The following TMTC2 variants were observed in gnomAD, a reference collection of about 807,000 sequenced individuals.
The protein encoded by TMTC2 is protein O-mannosyl-transferase TMTC2.
In TMTC2, 43 loss-of-function variants were observed where a neutral mutation model predicts 82.4. The ratio of observed to expected loss-of-function variants is 0.52; its 90% CI spans 0.41 to 0.67. TMTC2 has a LOEUF of 0.67. TMTC2 is among the 30% of genes least tolerant of loss of function. The pLI is 0.00. For missense variants in TMTC2, 919 were observed against 1,012.4 expected (o/e 0.91, Z 1.25); for synonymous variants, 408 against 381.9 (o/e 1.07, Z -0.80).
intron 8 of TMTC2, among the ~76,000 whole-genome samples, chr12:82,990,777 C>CT (rs1407858863): frequency 6.6e-6 from 1 of 152,036 alleles, no homozygotes; most frequent in Non-Finnish European, 1.5e-5. Context: ...TATTTAAGGG[C>CT]TGGGGACATG....
At chr12:83,040,389 C>G (rs370367028) in intron 9 of TMTC2, among the ~76,000 whole-genome samples, 2 of 152,148 alleles carry the variant, frequency 1.3e-5, no homozygotes, top group East Asian at 3.9e-4. Context: ...CTTGAAGGCC[C>G]CAGGGAGGAA....
intron 3 of TMTC2, among the ~76,000 whole-genome samples, chr12:82,903,020 GC>G (rs1200132775): frequency 2.6e-5 from 4 of 152,240 alleles, no homozygotes; most frequent in African/African-American, 7.2e-5. Context: ...CTCCACACCA[GC>G]CCTGCTGGCC....
intron 1 of TMTC2, among the ~76,000 whole-genome samples, chr12:82,740,866 C>T (rs547568704): frequency 4.6e-5 from 7 of 152,302 alleles, no homozygotes; most frequent in East Asian, 1.9e-4. Context: ...TCATGCTGCC[C>T]GAGCAATCTG....
At chr12:83,049,301 T>TCAAAAAA (rs1882257669) in intron 9 of TMTC2, among the ~76,000 whole-genome samples, 1 of 152,120 alleles carries the variant, frequency 6.6e-6, no homozygotes, top group Non-Finnish European at 1.5e-5. Context: ...AGTTTTTTGA[T>TCAAAAAA]CTGCCCCCTC....
intron 2 of TMTC2, among the ~76,000 whole-genome samples, chr12:82,859,752 G>T (rs902392124): frequency 1.1e-4 from 16 of 152,082 alleles, no homozygotes; most frequent in Non-Finnish European, 2.4e-4. Flanking sequence ...ACTGTTGAAG[G>T]TTCAGTGTCC....
chr12:82,985,231 T>C (rs1220006475), intron 7 of TMTC2, among the ~76,000 whole-genome samples: 1 of 151,916 alleles, frequency 6.6e-6, no homozygotes, highest in Non-Finnish European at 1.5e-5. Flanking sequence ...CCTAATTTTT[T>C]TTCAGAGATG....
In TMTC2 at chr12:83,051,021, T is replaced by G; in HGVS notation, c.2267+3T>G. ...TTCAATGCTGCCCACATGCTCAGGTTAGTTTTTTTGCTGCTGTGCCTCAAA... is the reference window on the plus strand; with the variant it reads ...TTCAATGCTGCCCACATGCTCAGGTGAGTTTTTTTGCTGCTGTGCCTCAAA... On this transcript the variant is annotated splice_donor_region_variant and intron_variant, in intron 10 of 11. Transcript: ENST00000321196. 6.2e-7 allele frequency: 1 copy of G among 1,601,774 alleles called. No homozygotes were observed. The highest frequency in any genetic ancestry group is 2.2e-5 in the East Asian group (1 of 44,492).
intron 1 of TMTC2, among the ~76,000 whole-genome samples, chr12:82,847,036 A>T (rs531286941): frequency 6.6e-6 from 1 of 152,240 alleles, no homozygotes; most frequent in African/African-American, 2.4e-5. Flanking sequence ...CCTTAATTTC[A>T]TACAGGAATC....
chr12:83,109,871 A>G (rs1462367107), intron 11 of TMTC2, among the ~76,000 whole-genome samples: 1 of 152,180 alleles, frequency 6.6e-6, no homozygotes, highest in Non-Finnish European at 1.5e-5. Flanking sequence ...CTTTTTCTTT[A>G]TTCTTTATTT....
At chr12:82,732,997 G>A (rs912660215) in intron 1 of TMTC2, among the ~76,000 whole-genome samples, 14 of 152,160 alleles carry the variant, frequency 9.2e-5, no homozygotes, top group Non-Finnish European at 1.9e-4. Context: ...AACAATTATA[G>A]GCATTGACTA....
At chr12:83,114,787 G>C (rs1811773726) in intron 11 of TMTC2, among the ~76,000 whole-genome samples, 1 of 151,868 alleles carries the variant, frequency 6.6e-6, no homozygotes, top group Admixed American at 6.6e-5. Flanking sequence ...CTTTGCTTAT[G>C]TCCATGTACA....
intron 2 of TMTC2, among the ~76,000 whole-genome samples, chr12:82,891,549 C>T (rs545890070): frequency 1.1e-4 from 16 of 152,142 alleles, no homozygotes; most frequent in Admixed American, 9.2e-4. Context: ...CTCAGGTGAC[C>T]CGCCTGCCTC....
intron 1 of TMTC2, among the ~76,000 whole-genome samples, chr12:82,798,290 G>C (rs963304123): frequency 2.0e-5 from 3 of 149,588 alleles, no homozygotes; most frequent in African/African-American, 7.3e-5. Context: ...AAAGACTTGG[G>C]GCCGGGTGTG....
At chr12:82,859,008 A>T (rs1871394918) in intron 2 of TMTC2, among the ~76,000 whole-genome samples, 1 of 151,594 alleles carries the variant, frequency 6.6e-6, no homozygotes, top group African/African-American at 2.4e-5. Context: ...GTATTTGAGG[A>T]TGCAGGCTTA....
chr12:82,937,781 TATATATATATATATAC>T (rs1185908055), intron 4 of TMTC2, among the ~76,000 whole-genome samples: 15 of 21,962 alleles, frequency 6.8e-4, no homozygotes, highest in African/African-American at 2.2e-3. Flanking sequence ...TATATATATA[TATATATATATATATAC>T]ACACATATAT....
intron 2 of TMTC2, among the ~76,000 whole-genome samples, chr12:82,894,458 G>A (rs1238277525): frequency 6.6e-6 from 1 of 152,166 alleles, no homozygotes; most frequent in Non-Finnish European, 1.5e-5. Context: ...AAGGTATATT[G>A]CTCTTTGTGG....
intron 1 of TMTC2, among the ~76,000 whole-genome samples, chr12:82,694,797 C>A (rs563397828): frequency 6.8e-6 from 1 of 148,110 alleles, no homozygotes; most frequent in African/African-American, 2.5e-5. Context: ...AAAAAAAAAA[C>A]TGGTTCACTA....
chr12:82,714,665 C>G (rs1873811192), intron 1 of TMTC2, among the ~76,000 whole-genome samples: 1 of 152,108 alleles, frequency 6.6e-6, no homozygotes, highest in East Asian at 1.9e-4. Flanking sequence ...TTCGCTTCCT[C>G]TCTTCCTGCT....
At chr12:82,714,365 A>G (rs1873796344) in intron 1 of TMTC2, among the ~76,000 whole-genome samples, 2 of 152,218 alleles carry the variant, frequency 1.3e-5, no homozygotes, top group African/African-American at 2.4e-5. Flanking sequence ...GAATTGTTAT[A>G]TTTAATTTTA....
Sources: gnomAD v4.1 joint callset for allele counts (sites outside exome capture counted in the v4.1 genomes callset) on GRCh38, gnomAD v4.1.1 for gene constraint, MANE v1.5 for transcripts, NCBI Gene and HGNC (gene_info 2026-07-23, HGNC 2026-07-21) for gene names.